Variants in ATP10B observed in about 807,000 individuals in gnomAD.
ATP10B encodes the protein phospholipid-transporting ATPase VB.
Under a neutral mutation model 141.2 loss-of-function variants are expected in ATP10B, and 122 were observed. The observed-to-expected ratio is 0.86, with a 90% CI of 0.75 to 1.00. The LOEUF (loss-of-function observed/expected upper bound fraction) is 1.00, where lower values mean the gene tolerates loss of function less well. ATP10B is among the 50% of genes least tolerant of loss of function. ATP10B has a pLI of 0.00. For missense variants in ATP10B, 1,876 were observed against 1,825.3 expected, an observed-to-expected ratio of 1.03 and a Z score of -0.51; for synonymous variants, 685 against 692.0, an observed-to-expected ratio of 0.99 and a Z score of 0.16.
the ATP10B span, among the ~76,000 whole-genome samples, chr5:160,914,202 T>C: frequency 6.6e-6 from 1 of 152,198 alleles, no homozygotes; most frequent in South Asian, 2.1e-4. Context: ...TAAACAACTA[T>C]TTGTTAAACT....
chr5:160,924,472 TTAA>T, the ATP10B span, among the ~76,000 whole-genome samples: 1 of 152,220 alleles, frequency 6.6e-6, no homozygotes, highest in East Asian at 1.9e-4. Flanking sequence ...ATAAAAGGTA[TTAA>T]TTATTAACTA....
the ATP10B span, among the ~76,000 whole-genome samples, chr5:160,916,549 C>T: frequency 7.7e-3 from 1,180 of 152,298 alleles, 7 homozygotes; most frequent in Non-Finnish European, 8.2e-3. Context: ...TGGTGTTCAG[C>T]ATTGTCCTAA....
At chr5:160,640,701 CT>C in intron 9 of ATP10B, 109 bp from the exon 10 acceptor site, 1 of 1,428,858 alleles carries the variant, frequency 7.0e-7, no homozygotes, top group South Asian at 1.4e-5. Flanking sequence ...AGGCTTCACT[CT>C]TTAACCTGAA....
intron 10 of ATP10B, among the ~76,000 whole-genome samples, chr5:160,636,729 C>T (rs1759406866): frequency 6.6e-6 from 1 of 152,136 alleles, no homozygotes; most frequent in Non-Finnish European, 1.5e-5. Context: ...CCCATCTACC[C>T]ATCCATCCTG....
intron 1 of ATP10B, among the ~76,000 whole-genome samples, chr5:160,811,653 T>C (rs1036941147): frequency 1.3e-5 from 2 of 151,990 alleles, no homozygotes; most frequent in Non-Finnish European, 2.9e-5. Context: ...TGTCCCATGG[T>C]TTGAGTGCCA....
At chr5:160,862,830 T>A in the ATP10B span, among the ~76,000 whole-genome samples, 1 of 151,954 alleles carries the variant, frequency 6.6e-6, no homozygotes, top group East Asian at 1.9e-4. Context: ...TTAATACACA[T>A]ATGCCACATA....
chr5:160,864,086 T>A, the ATP10B span, among the ~76,000 whole-genome samples: 1 of 151,990 alleles, frequency 6.6e-6, no homozygotes, highest in South Asian at 2.1e-4. Context: ...TAAGTTATTC[T>A]ATAAAATCAG....
the ATP10B span, among the ~76,000 whole-genome samples, chr5:160,874,510 A>G: frequency 4.6e-5 from 7 of 152,302 alleles, no homozygotes; most frequent in East Asian, 9.7e-4. Context: ...GTTCCTCATC[A>G]GCAACGGACC....
the ATP10B span, among the ~76,000 whole-genome samples, chr5:160,865,690 T>C: frequency 1.3e-5 from 2 of 151,842 alleles, no homozygotes; most frequent in Admixed American, 6.6e-5. Context: ...AAAGGACAAA[T>C]ATCCAGAATC....
At chr5:160,897,913 C>CA in the ATP10B span, among the ~76,000 whole-genome samples, 1 of 152,118 alleles carries the variant, frequency 6.6e-6, no homozygotes, top group South Asian at 2.1e-4. Context: ...TGATCTTTGA[C>CA]AAACCTGACA....
chr5:160,771,044 G>A (rs1423879807), intron 2 of ATP10B, among the ~76,000 whole-genome samples: 1 of 152,192 alleles, frequency 6.6e-6, no homozygotes, highest in Non-Finnish European at 1.5e-5. Context: ...GGTTGGAACT[G>A]GGGTTGAGTC....
chr5:160,773,996 A>G (rs1354873288), intron 2 of ATP10B, among the ~76,000 whole-genome samples: 2 of 152,144 alleles, frequency 1.3e-5, no homozygotes, highest in African/African-American at 2.4e-5. Flanking sequence ...GAGTCATCAC[A>G]CTTGTAAATT....
At chr5:160,573,149 G>T (rs1473906507) in intron 24 of ATP10B, among the ~76,000 whole-genome samples, 1 of 152,212 alleles carries the variant, frequency 6.6e-6, no homozygotes. Context: ...AAGGTGATTA[G>T]GGGGAGCCCC....
Position 160,634,425 on chromosome 5 carries a change from G to T in ATP10B, c.1310C>A (p.Thr437Asn). The T allele has an allele frequency of 1.2e-6, 2 of 1,614,158 alleles. No individual in the cohort carries two copies. The highest frequency in any genetic ancestry group is 1.7e-6 in the Non-Finnish European group (2 of 1,180,016). ...GAACACCATCTTGTTCTCTGTCAGG[G>T]TCCCCGTCTTATCGGAGAAGATGTA... ...IQYIFSDKTG[T>N]LTENKMVFRR... The change falls in exon 12 of 26, where the codon ACC becomes AAC. Residue 437 changes from threonine (T) to asparagine (N), a missense_variant. Physicochemically the swap from Thr to Asn is moderately conservative, Grantham distance 65 (BLOSUM62 0). Transcript: ENST00000327245.
rs758709872 is a variant in ATP10B at position 160,688,026 on chromosome 5, T to A, written c.49A>T (p.Arg17Ter). 6.2e-7 allele frequency: 1 copy of A among 1,613,912 alleles called. No homozygotes were observed. Among genetic ancestry groups the A allele is most frequent in the Admixed American group, 1.7e-5 (1 of 60,016 alleles). The stretch of plus-strand genomic sequence containing the variant: ...GATGGACAATGGGGGAAGCCATCTC[T>A]GACTCTCCACTGCCACCGATGCCAC... The part of the protein sequence containing the change: ...SSWHRWQWRV[R>*]DGFPHCPSET... Residue 17 changes from arginine (R) to a stop codon, truncating the protein, a stop_gained, in exon 5 of 26, where the codon AGA becomes TGA. Transcript: ENST00000327245. LOFTEE classifies it high-confidence loss of function.
At chr5:160,574,443 T>G (rs550321382) in intron 24 of ATP10B, among the ~76,000 whole-genome samples, 104 of 152,196 alleles carry the variant, frequency 6.8e-4, no homozygotes, top group African/African-American at 2.4e-3. Context: ...CAAAAAAAAT[T>G]TTTTTTCTAC....
At chr5:160,911,884 A>T in the ATP10B span, among the ~76,000 whole-genome samples, 1 of 152,314 alleles carries the variant, frequency 6.6e-6, no homozygotes, top group East Asian at 1.9e-4. Flanking sequence ...ATAATGATGC[A>T]CTAGAGATCT....
At chr5:160,627,163 C>T (rs1229745262) in intron 13 of ATP10B, among the ~76,000 whole-genome samples, 1 of 152,176 alleles carries the variant, frequency 6.6e-6, no homozygotes, top group African/African-American at 2.4e-5. Flanking sequence ...ATATTTACTC[C>T]TGTCTCAAAA....
intron 7 of ATP10B, among the ~76,000 whole-genome samples, chr5:160,657,064 C>G (rs1396338791): frequency 6.6e-6 from 1 of 152,166 alleles, no homozygotes; most frequent in African/African-American, 2.4e-5. Context: ...CCTGTGTGGA[C>G]TGCTCAGCTG....
Sources: gnomAD v4.1 joint callset for allele counts (sites outside exome capture counted in the v4.1 genomes callset) on GRCh38, gnomAD v4.1.1 for gene constraint, MANE v1.5 for transcripts, NCBI Gene and HGNC (gene_info 2026-07-23, HGNC 2026-07-21) for gene names.